Variants in CC2D1B observed in about 807,000 individuals in gnomAD.
The protein encoded by CC2D1B is coiled-coil and C2 domain-containing protein 1B.
A neutral mutation model predicts 110.8 loss-of-function variants in CC2D1B; 92 were observed. The observed-to-expected ratio is 0.83, with a 90% CI of 0.70 to 0.99. The LOEUF (loss-of-function observed/expected upper bound fraction) is 0.99, where lower values mean the gene tolerates loss of function less well. CC2D1B is among the 50% of genes least tolerant of loss of function. The pLI, the probability that CC2D1B is intolerant of heterozygous loss-of-function variation, is 0.00. For synonymous variants in CC2D1B, 406 were observed against 429.2 expected, an observed-to-expected ratio of 0.95 and a Z score of 0.67; for missense variants, 1,136 against 1,089.0, an observed-to-expected ratio of 1.04 and a Z score of -0.61.
chr1:52,353,529 C>T lies in CC2D1B; in HGVS notation c.2549G>A (p.Arg850Lys), dbSNP rs778571580. The change falls in exon 24 of 25, where the codon AGG (arginine) becomes AAG (lysine). Residue 850 changes from arginine to lysine, a missense_variant. By Grantham distance (26) the Arg-to-Lys change is conservative. Transcript: ENST00000284376. ...VTENWLVLEP[R>K]GL ...AGAGAGCTGCCCACCTCACAAGCCC[C>T]TGGGCTCCAGAACCAGCCAGTTCTC... The T allele has an allele frequency of 1.2e-6, 2 of 1,613,042 alleles. No homozygotes were observed. Among genetic ancestry groups the T allele is most frequent in the African/African-American group, 2.7e-5 (2 of 74,864 alleles).
rs764755114 is a variant in CC2D1B at position 52,361,577 on chromosome 1, T to C, written c.254A>G (p.Asp85Gly). The change falls in exon 4 of 25, where the codon GAC (aspartate) becomes GGC (glycine). Residue 85 changes from aspartate to glycine, a missense_variant. Coordinates refer to ENST00000284376, the MANE Select transcript of CC2D1B (RefSeq NM_001330585.2). Reference sequence around the variant, plus strand: ...CTCCTCCTCCACATCCCGCATACAGTCTGCCGCCAACTTCTCGATGTGGGC... The same window carrying C: ...CTCCTCCTCCACATCCCGCATACAGCCTGCCGCCAACTTCTCGATGTGGGC... ...PMAHIEKLAA[D>G]CMRDVEEEEE... 23 of 1,613,732 alleles carry C rather than the reference T, an allele frequency of 1.4e-5. No homozygotes were observed. The highest frequency in any genetic ancestry group is 1.9e-5 in the Non-Finnish European group (22 of 1,180,018).
chr1:52,362,522 C>G, intron 3 of CC2D1B, 80 bp downstream of exon 3: 1 of 1,548,204 alleles, frequency 6.5e-7, no homozygotes, highest in South Asian at 1.2e-5. Flanking sequence ...TGGCTCCGTC[C>G]AGCTGCAAGG....
In CC2D1B at chr1:52,360,246, A is replaced by T. The variant is rs745625244; in HGVS notation, c.604-13T>A. The T allele has an allele frequency of 6.2e-7, 1 of 1,613,614 alleles. No homozygotes were observed. The highest frequency in any genetic ancestry group is 1.7e-5 in the Admixed American group (1 of 59,944). The stretch of plus-strand genomic sequence containing the variant: ...GCGACTCCAAGGTCTGAGGGAGAGA[A>T]CTGGTCCAGAAACCCAGCCAGCCAT... On this transcript the variant is annotated splice_polypyrimidine_tract_variant and intron_variant, in intron 6 of 24. Transcript: ENST00000284376.
At chr1:52,354,354 A>G (rs1465399979) in intron 23 of CC2D1B, 3 of 672,072 alleles carry the variant, frequency 4.5e-6, no homozygotes, top group African/African-American at 1.8e-5. Flanking sequence ...GCAAGGTCGT[A>G]TAGTCCTTGC....
In CC2D1B at chr1:52,353,563, T is replaced by C. The variant is rs776853274; in HGVS notation, c.2515A>G (p.Met839Val). The change falls in exon 24 of 25, where the codon ATG becomes GTG. Residue 839 changes from methionine to valine, a missense_variant. Coordinates refer to ENST00000284376, the MANE Select transcript of CC2D1B (RefSeq NM_001330585.2). ...AGAACCAGCCAGTTCTCAGTGACCA[T>C]CTGCACATCCTGGCCACTCAGAGGC... Reference protein sequence around the residue: ...REPLSGQDVQMVTENWLVLEP... With the variant: ...REPLSGQDVQVVTENWLVLEP... The C allele has an allele frequency of 6.2e-7, 1 of 1,614,048 alleles. No homozygotes were observed. Among genetic ancestry groups the C allele is most frequent in the Admixed American group, 1.7e-5 (1 of 60,014 alleles).
At chr1:52,363,925 C>T (rs1646835137) in intron 2 of CC2D1B, among the ~76,000 whole-genome samples, 1 of 152,158 alleles carries the variant, frequency 6.6e-6, no homozygotes. Flanking sequence ...AGGTGATCCA[C>T]CCACCTCGGC....
At position 52,362,707 on chromosome 1, in the gene CC2D1B, G is replaced by A; in HGVS notation, c.109C>T (p.Leu37=). The part of the protein sequence containing the change: ...FMEFGPEDML[L]GMDEAEDDED... ...TCATCTTCAGCCTCATCCATGCCCA[G>A]CAGCATGTCCTCAGGGCCAAACTCC... Residue 37 remains leucine, a synonymous_variant, in exon 3 of 25, where the codon CTG becomes TTG. Transcript: ENST00000284376. 1 of 1,614,098 alleles carries A rather than the reference G, an allele frequency of 6.2e-7. No individual in the cohort carries two copies. Among genetic ancestry groups the A allele is most frequent in the Non-Finnish European group, 8.5e-7 (1 of 1,180,016 alleles).
intron 13 of CC2D1B, 83 bp downstream of exon 13, chr1:52,358,248 T>A: frequency 6.5e-7 from 1 of 1,533,328 alleles, no homozygotes; most frequent in Non-Finnish European, 8.8e-7. Flanking sequence ...TTATTGGGCT[T>A]GTTAGTATGG....
rs1034208112 is a variant in CC2D1B at position 52,362,653 on chromosome 1, G to C, written c.163C>G (p.Leu55Val). ...CCTGTGGTTTGTGCTTCCCCTGTGA[G>C]AGCCAGCAGCTCAGCCTCCAGGTCC... ...DEDLEAELLALTGEAQTTGKK... is the reference protein window; with the variant it reads ...DEDLEAELLAVTGEAQTTGKK... Residue 55 changes from leucine (L) to valine (V), a missense_variant, in exon 3 of 25, where the codon CTC (leucine) becomes GTC (valine). Transcript: ENST00000284376. The C allele has an allele frequency of 1.2e-6, 2 of 1,614,064 alleles. No individual in the cohort carries two copies. Among genetic ancestry groups the C allele is most frequent in the Non-Finnish European group, 1.7e-6 (2 of 1,180,044 alleles).
chr1:52,353,414 C>T, intron 24 of CC2D1B, 104 bp downstream of exon 24: 1 of 1,522,864 alleles, frequency 6.6e-7, no homozygotes, highest in Non-Finnish European at 8.8e-7. Flanking sequence ...GTAGGTCTTT[C>T]TCATAGATGA....
In CC2D1B at chr1:52,362,702, G is replaced by A; in HGVS notation, c.114C>T (p.Gly38=). 3 of 1,614,070 alleles carry A rather than the reference G, an allele frequency of 1.9e-6. No individual in the cohort carries two copies. Among genetic ancestry groups the A allele is most frequent in the Non-Finnish European group, 2.5e-6 (3 of 1,180,004 alleles). The stretch of plus-strand genomic sequence containing the variant: ...CCTCATCATCTTCAGCCTCATCCAT[G>A]CCCAGCAGCATGTCCTCAGGGCCAA... The part of the protein sequence containing the change: ...MEFGPEDMLL[G]MDEAEDDEDL... The change falls in exon 3 of 25, where the codon GGC becomes GGT. Residue 38 remains glycine, a synonymous_variant. Transcript: ENST00000284376.
At chr1:52,356,730 C>CAGAT (rs762579681) in intron 16 of CC2D1B, 4 of 599,478 alleles carry the variant, frequency 6.7e-6, no homozygotes, top group Admixed American at 6.0e-5. Flanking sequence ...GGTGGCAGTT[C>CAGAT]AGATAGATAA....
rs182473142 is a variant in CC2D1B at position 52,355,482 on chromosome 1, G to T, written c.2188-33C>A. The T allele has an allele frequency of 7.4e-6, 12 of 1,613,264 alleles. No homozygotes were observed. The East Asian group carries it at 2.2e-4, about 30-fold the overall frequency. ...GTGAGGAGGGAGAAGTCAGGACAGCGTATAAACAAAGAGGCACACAGGGCA... is the reference window on the plus strand; with the variant it reads ...GTGAGGAGGGAGAAGTCAGGACAGCTTATAAACAAAGAGGCACACAGGGCA... On this transcript the variant is annotated intron_variant, in intron 20 of 24. Transcript: ENST00000284376.
chr1:52,361,124 C>CCCT lies in CC2D1B; in HGVS notation c.326_327insAGG (p.Leu109_Gln110insGly). ...CCTCGTCCACACCTAAGACCTCCTGCAGCTCCGTCTAGGGAGACAAAACAC... is the reference window on the plus strand; with the variant it reads ...CCTCGTCCACACCTAAGACCTCCTGCCCTAGCTCCGTCTAGGGAGACAAAACAC... On this transcript the variant is annotated inframe_insertion, in exon 5 of 25. Transcript: ENST00000284376. The CCCT allele has an allele frequency of 6.2e-7, 1 of 1,614,088 alleles. No homozygotes were observed. The highest frequency in any genetic ancestry group is 2.2e-5 in the East Asian group (1 of 44,874).
At chr1:52,362,102 A>G (rs1383744101) in intron 3 of CC2D1B, among the ~76,000 whole-genome samples, 1 of 152,130 alleles carries the variant, frequency 6.6e-6, no homozygotes, top group Non-Finnish European at 1.5e-5. Context: ...GCCCCTTCCT[A>G]GGTCCTCCCA....
In CC2D1B at chr1:52,357,017, AGCATTTTTTGCAG is replaced by A; in HGVS notation, c.1849_1861del (p.Leu617PhefsTer58). On this transcript the variant is annotated frameshift_variant, in exon 16 of 25. Coordinates refer to ENST00000284376, the MANE Select transcript of CC2D1B (RefSeq NM_001330585.2). LOFTEE classifies it high-confidence loss of function. ...CCTGCTGACCTCTTGTTGCTCCAGA[AGCATTTTTTGCAG>A]CTGGGCATACACCTCCTCCGCCTTC... 6.4e-7 allele frequency: 1 copy of A among 1,562,276 alleles called. No homozygotes were observed. The highest frequency in any genetic ancestry group is 8.7e-7 in the Non-Finnish European group (1 of 1,152,650).
At chr1:52,360,357 C>T (rs909316058) in intron 6 of CC2D1B, 67 bp downstream of exon 6, 16 of 1,595,188 alleles carry the variant, frequency 1.0e-5, no homozygotes, top group Admixed American at 6.9e-5. Flanking sequence ...TCCACTGGTG[C>T]GATCTCCACC....
Position 52,360,993 on chromosome 1 carries a change from G to A in CC2D1B, c.458C>T (p.Ala153Val). The stretch of plus-strand genomic sequence containing the variant: ...ACCCACCTGAGCTGCTGGGGCTGAA[G>A]CTGTCAGGACGGCTGTCTGCACTGG... The part of the protein sequence containing the change: ...EPPVQTAVLT[A>V]SAPAAQAGAS... Residue 153 changes from alanine (A) to valine (V), a missense_variant, in exon 5 of 25, where the codon GCT (alanine) becomes GTT (valine). By Grantham distance (64) the Ala-to-Val change is moderately conservative. Transcript: ENST00000284376. The A allele has an allele frequency of 6.2e-7, 1 of 1,614,150 alleles. No homozygotes were observed. Among genetic ancestry groups the A allele is most frequent in the African/African-American group, 1.3e-5 (1 of 75,040 alleles).
intron 16 of CC2D1B, 95 bp from the exon 17 acceptor site, chr1:52,356,537 C>G: frequency 7.5e-7 from 1 of 1,339,876 alleles, no homozygotes; most frequent in Non-Finnish European, 1.1e-6. Context: ...CAACTTTCCT[C>G]TGTAGCCTCA....
Sources: gnomAD v4.1 joint callset for allele counts (sites outside exome capture counted in the v4.1 genomes callset) on GRCh38, gnomAD v4.1.1 for gene constraint, MANE v1.5 for transcripts, NCBI Gene and HGNC (gene_info 2026-07-23, HGNC 2026-07-21) for gene names.